DPP10: variants seen among roughly 807,000 people sequenced by gnomAD.
The protein encoded by DPP10 is dipeptidyl peptidase like 10.
DPP10 carries 33 observed loss-of-function variants against 120.9 expected under a neutral mutation model. That is an observed-to-expected ratio of 0.27 (90% CI 0.21 to 0.37). The LOEUF (loss-of-function observed/expected upper bound fraction) is 0.37, where lower values mean the gene tolerates loss of function less well. Ranked by LOEUF, DPP10 falls within the 10% of genes least tolerant of loss-of-function variation. DPP10 has a pLI of 1.00. For synonymous variants in DPP10, 337 were observed against 326.1 expected, an observed-to-expected ratio of 1.03 and a Z score of -0.36; for missense variants, 816 against 942.8, an observed-to-expected ratio of 0.87 and a Z score of 1.76.
intron 1 of DPP10, among the ~76,000 whole-genome samples, chr2:114,639,181 A>C (rs1695524536): frequency 6.6e-6 from 1 of 151,924 alleles, no homozygotes; most frequent in Non-Finnish European, 1.5e-5. Context: ...AGGCCTCACA[A>C]TCATAGCTGA....
At chr2:114,606,327 G>C (rs527462305) in intron 1 of DPP10, among the ~76,000 whole-genome samples, 80 of 152,200 alleles carry the variant, frequency 5.3e-4, no homozygotes, top group African/African-American at 1.9e-3. Flanking sequence ...TGCAAAGTTA[G>C]CGAAGATCTT....
rs1191197397 is a variant in DPP10, at chr2:115,699,036, CA to C, written c.576+9128del. ...TTAGCTTGACTGAAAAAAAAAAAAACAAAAAAAAAAAAACAAGAGAAGACTC... is the reference window on the plus strand; with the variant it reads ...TTAGCTTGACTGAAAAAAAAAAAAACAAAAAAAAAAAACAAGAGAAGACTC... On this transcript the variant is annotated intron_variant, in intron 7 of 25. Transcript: ENST00000410059. 9.5e-3 allele frequency among the ~76,000 whole-genome samples: 481 copies of C among 50,812 alleles called. 6 individuals are homozygous for C. The highest frequency in any genetic ancestry group is 0.032 in the African/African-American group (464 of 14,482). The allele number at this position is 50,812 out of a possible 152,430, so 33.3% of individuals were successfully genotyped here.
intron 1 of DPP10, among the ~76,000 whole-genome samples, chr2:114,805,692 C>T (rs1363907611): frequency 6.6e-6 from 1 of 152,298 alleles, no homozygotes. Flanking sequence ...AACAAAGGAG[C>T]TCTGCTTGTG....
intron 1 of DPP10, among the ~76,000 whole-genome samples, chr2:114,999,963 C>T (rs960730938): frequency 6.6e-6 from 1 of 152,072 alleles, no homozygotes; most frequent in African/African-American, 2.4e-5. Context: ...TGAGGAAATG[C>T]TATGTACACA....
chr2:115,075,125 G>A (rs899584576), intron 1 of DPP10, among the ~76,000 whole-genome samples: 1 of 152,192 alleles, frequency 6.6e-6, no homozygotes, highest in African/African-American at 2.4e-5. Flanking sequence ...TTCAGTGAAA[G>A]CTCAGAGTGA....
At chr2:114,513,209 C>T (rs1684294858) in intron 1 of DPP10, among the ~76,000 whole-genome samples, 1 of 152,078 alleles carries the variant, frequency 6.6e-6, no homozygotes, top group Admixed American at 6.5e-5. Flanking sequence ...TATATGTTCT[C>T]TCAACTTGGG....
intron 1 of DPP10, among the ~76,000 whole-genome samples, chr2:114,454,330 G>A (rs537346561): frequency 4.6e-5 from 7 of 152,072 alleles, no homozygotes; most frequent in Non-Finnish European, 7.4e-5. Flanking sequence ...ACTTTTATGA[G>A]ATATCTCTAG....
At chr2:114,756,762 A>C (rs980542345) in intron 1 of DPP10, among the ~76,000 whole-genome samples, 1 of 152,020 alleles carries the variant, frequency 6.6e-6, no homozygotes, top group East Asian at 1.9e-4. Context: ...GCAAGACCAC[A>C]GTCTCTCCCT....
At chr2:114,556,059 G>T (rs1371948796) in intron 1 of DPP10, among the ~76,000 whole-genome samples, 2 of 151,832 alleles carry the variant, frequency 1.3e-5, no homozygotes, top group Non-Finnish European at 2.9e-5. Flanking sequence ...GAAGGAATTG[G>T]AGAGATCTGA....
intron 1 of DPP10, among the ~76,000 whole-genome samples, chr2:114,795,021 A>G (rs1683581756): frequency 6.6e-6 from 1 of 152,186 alleles, no homozygotes; most frequent in African/African-American, 2.4e-5. Flanking sequence ...ATTATTTTGT[A>G]TACCATTCGT....
intron 3 of DPP10, chr2:115,468,556 C>A (rs983147612): frequency 4.7e-6 from 2 of 421,178 alleles, no homozygotes; most frequent in African/African-American, 4.1e-5. Context: ...GGAGCTCACT[C>A]AGTGGGGCTA....
chr2:115,716,136 T>C (rs1300686553), intron 7 of DPP10, among the ~76,000 whole-genome samples: 1 of 152,212 alleles, frequency 6.6e-6, no homozygotes, highest in Non-Finnish European at 1.5e-5. Context: ...AGTAACCCAG[T>C]ATTGTTGTTG....
intron 1 of DPP10, among the ~76,000 whole-genome samples, chr2:114,957,359 T>A (rs2104689425): frequency 6.6e-6 from 1 of 152,118 alleles, no homozygotes. Context: ...ATTCTCAACA[T>A]CTCTAATTAG....
chr2:115,611,933 A>G (rs2084132537), intron 5 of DPP10, among the ~76,000 whole-genome samples: 1 of 152,164 alleles, frequency 6.6e-6, no homozygotes, highest in African/African-American at 2.4e-5. Context: ...GTGAGAAACA[A>G]ATCTAGAATA....
chr2:114,502,506 T>G (rs897378464), intron 1 of DPP10, among the ~76,000 whole-genome samples: 3 of 152,220 alleles, frequency 2.0e-5, no homozygotes, highest in Non-Finnish European at 4.4e-5. Context: ...TGGCAAAGCT[T>G]AAGAGATTCC....
chr2:114,598,821 C>T (rs564375768), intron 1 of DPP10, among the ~76,000 whole-genome samples: 8 of 151,768 alleles, frequency 5.3e-5, no homozygotes, highest in Non-Finnish European at 1.0e-4. Context: ...AAGTGGGAGA[C>T]TCTTGAGGGA....
chr2:114,816,342 G>T (rs1435291500), intron 1 of DPP10, among the ~76,000 whole-genome samples: 4 of 152,174 alleles, frequency 2.6e-5, no homozygotes, highest in Non-Finnish European at 5.9e-5. Context: ...GCAGCCATAG[G>T]CAATACATAA....
chr2:114,748,913 AT>A (rs1574097239), intron 1 of DPP10, among the ~76,000 whole-genome samples: 1 of 121,576 alleles, frequency 8.2e-6, no homozygotes, highest in East Asian at 2.3e-4. Flanking sequence ...ATTTGGGTAT[AT>A]ACCCAGTAAT....
At chr2:115,657,461 G>C (rs943022025) in intron 5 of DPP10, among the ~76,000 whole-genome samples, 1 of 151,604 alleles carries the variant, frequency 6.6e-6, no homozygotes, top group Non-Finnish European at 1.5e-5. Context: ...CTTCTCTTAA[G>C]ACATTATTTA....
Sources: gnomAD v4.1 joint callset for allele counts (sites outside exome capture counted in the v4.1 genomes callset) on GRCh38, gnomAD v4.1.1 for gene constraint, MANE v1.5 for transcripts, NCBI Gene and HGNC (gene_info 2026-07-23, HGNC 2026-07-21) for gene names.